The following NMT2 variants were observed in gnomAD, a reference collection of about 807,000 sequenced individuals.
NMT2 encodes glycylpeptide N-tetradecanoyltransferase 2.
A neutral mutation model predicts 65.4 loss-of-function variants in NMT2; 35 were observed. The ratio of observed to expected loss-of-function variants is 0.54; its 90% CI spans 0.41 to 0.71. NMT2 has a LOEUF of 0.71. Ranked by LOEUF, NMT2 falls within the 30% of genes least tolerant of loss-of-function variation. NMT2 has a pLI of 0.00. For synonymous variants in NMT2, 226 were observed against 231.8 expected, an observed-to-expected ratio of 0.98 and a Z score of 0.23; for missense variants, 489 against 611.3, an observed-to-expected ratio of 0.80 and a Z score of 2.11.
chr10:15,124,330 C>T (rs111411174), intron 8 of NMT2, among the ~76,000 whole-genome samples: 1 of 152,184 alleles, frequency 6.6e-6, no homozygotes, highest in East Asian at 1.9e-4. Flanking sequence ...TTGTGAATGG[C>T]GCAGGCCCTG....
intron 1 of NMT2, among the ~76,000 whole-genome samples, chr10:15,156,243 T>C (rs562448840): frequency 1.3e-5 from 2 of 152,228 alleles, no homozygotes; most frequent in South Asian, 4.1e-4. Flanking sequence ...GCTGTACTCA[T>C]GACAGGGAAT....
intron 1 of NMT2, among the ~76,000 whole-genome samples, chr10:15,152,498 A>G (rs1832839543): frequency 6.6e-6 from 1 of 152,160 alleles, no homozygotes; most frequent in South Asian, 2.1e-4. Context: ...TTTCCTTAGG[A>G]AGTGACAGCA....
chr10:15,147,897 A>C (rs1371340431), intron 1 of NMT2, among the ~76,000 whole-genome samples: 2 of 152,248 alleles, frequency 1.3e-5, no homozygotes, highest in Admixed American at 6.5e-5. Flanking sequence ...TTTTGAGTAC[A>C]CCAAAGTTAA....
intron 6 of NMT2, among the ~76,000 whole-genome samples, chr10:15,132,435 TA>T (rs1338494905): frequency 2.0e-5 from 3 of 152,296 alleles, no homozygotes; most frequent in African/African-American, 7.2e-5. Flanking sequence ...TTTTTATTTT[TA>T]TTTTTTTTGA....
At position 15,126,251 on chromosome 10, in the gene NMT2, A is replaced by G. The variant is rs192619400; in HGVS notation, c.999+2099T>C. ...CGAGACCAGCCTGACTAATATGGTG[A>G]AACCCCATCTCTACTAAAAATACAA... On this transcript the variant is annotated intron_variant, in intron 8 of 11. Coordinates refer to ENST00000378165, the MANE Select transcript of NMT2 (RefSeq NM_004808.3). 1.3e-4 allele frequency among the ~76,000 whole-genome samples: 20 copies of G among 151,608 alleles called. No individual in the cohort carries two copies. The East Asian group carries it at 4.0e-3, about 30-fold the overall frequency.
intron 7 of NMT2, among the ~76,000 whole-genome samples, chr10:15,129,907 CAAAA>C (rs753710829): frequency 1.7e-4 from 10 of 57,204 alleles, no homozygotes; most frequent in Non-Finnish European, 3.0e-4. Flanking sequence ...GAGTCTGCCT[CAAAA>C]AAAAAAAAAA....
chr10:15,135,399 T>C lies in NMT2; in HGVS notation c.266A>G (p.Gln89Arg). The change falls in exon 3 of 12, where the codon CAG (glutamine) becomes CGG (arginine). Residue 89 changes from glutamine (Q) to arginine (R), a missense_variant. Transcript: ENST00000378165. ...TGCTCTCTGGATATCCTGCAACTTC[T>C]GCATTGGAACACTGGGATTCTACGA... ...QPSKNPSVPMQKLQDIQRAME... is the reference protein window; with the variant it reads ...QPSKNPSVPMRKLQDIQRAME... 6.2e-7 allele frequency: 1 copy of C among 1,614,176 alleles called. No individual in the cohort carries two copies. Among genetic ancestry groups the C allele is most frequent in the Non-Finnish European group, 8.5e-7 (1 of 1,180,022 alleles).
chr10:15,124,999 A>C (rs1435810729), intron 8 of NMT2, among the ~76,000 whole-genome samples: 1 of 151,952 alleles, frequency 6.6e-6, no homozygotes, highest in East Asian at 1.9e-4. Flanking sequence ...GTGTCCCCAT[A>C]GTGGGTAATG....
At position 15,133,070 on chromosome 10, in the gene NMT2, T is replaced by A; in HGVS notation, c.585A>T (p.Ser195=). Residue 195 remains serine, a synonymous_variant, in exon 5 of 12, where the codon TCA becomes TCT. Coordinates refer to ENST00000378165, the MANE Select transcript of NMT2 (RefSeq NM_004808.3). ...AGACTTACCACAACAGGAACTCGGG[T>A]GAATAGTCAAATCGGAACATATTGT... ...DDDNMFRFDY[S]PEFLLWALRP... 1.2e-6 allele frequency: 2 copies of A among 1,614,074 alleles called. No individual in the cohort carries two copies. Among genetic ancestry groups the A allele is most frequent in the Non-Finnish European group, 1.7e-6 (2 of 1,179,922 alleles).
chr10:15,130,068 A>G (rs1846222769), intron 7 of NMT2, 74 bp downstream of exon 7: 8 of 1,171,328 alleles, frequency 6.8e-6, no homozygotes, highest in Non-Finnish European at 9.0e-6. Flanking sequence ...CAAAAACTAC[A>G]TCTAGCAGAA....
chr10:15,141,491 T>C lies in NMT2; in HGVS notation c.177A>G (p.Pro59=), dbSNP rs780321534. 6.2e-7 allele frequency: 1 copy of C among 1,614,258 alleles called. No individual in the cohort carries two copies. The highest frequency in any genetic ancestry group is 8.5e-7 in the Non-Finnish European group (1 of 1,180,056). ...AGTCTGACTTGGTGCCTCCGGAATT[T>C]GGTTTCTCCTTTTTTCTCTTCTGTT... The part of the protein sequence containing the change: ...KKKQKRKKEK[P]NSGGTKSDSA... Residue 59 remains proline (P), a synonymous_variant, in exon 2 of 12, where the codon CCA becomes CCG. Coordinates refer to ENST00000378165, the MANE Select transcript of NMT2 (RefSeq NM_004808.3).
Position 15,119,371 on chromosome 10 carries a change from T to C in NMT2, c.1142A>G (p.Glu381Gly). The C allele has an allele frequency of 2.5e-6, 4 of 1,614,186 alleles. No homozygotes were observed. Among genetic ancestry groups the C allele is most frequent in the Non-Finnish European group, 2.5e-6 (3 of 1,180,034 alleles). ...EEVAHWFLPR[E>G]HIIDTFVVES... ...CACTACAAACGTGTCAATAATGTGC[T>C]CCCGGGGGAGGAACCAGTGGGCTAC... Residue 381 changes from glutamate (E) to glycine (G), a missense_variant, in exon 9 of 12, where the codon GAG becomes GGG. By Grantham distance (98) the Glu-to-Gly change is moderately conservative. Coordinates refer to ENST00000378165, the MANE Select transcript of NMT2 (RefSeq NM_004808.3).
rs1307447584 is a variant in NMT2 at position 15,108,115 on chromosome 10, T to G, written c.*1080A>C. The G allele has an allele frequency of 2.0e-6, 2 of 985,318 alleles. No individual in the cohort carries two copies. The highest frequency in any genetic ancestry group is 3.5e-5 in the African/African-American group (2 of 57,214). The allele number at this position is 985,318 out of a possible 1,614,324, so 61.0% of individuals were successfully genotyped here. A position where few individuals can be genotyped will look rare whatever the true frequency, so the allele number is the denominator to read the frequency against. ...TTATTTCCTTTTCTTCATATATCCT[T>G]GATGTTGCTGAGAAGAAACTGAACT... On this transcript the variant is annotated 3_prime_UTR_variant, in exon 12 of 12. Transcript: ENST00000378165.
chr10:15,108,925 G>C lies in NMT2; in HGVS notation c.*270C>G. ...AGGGTGAAAAAATACCTCTTCAAGA[G>C]ACAGGCAAAAATTTGAAAATTACAA... On this transcript the variant is annotated 3_prime_UTR_variant, in exon 12 of 12. Coordinates refer to ENST00000378165, the MANE Select transcript of NMT2 (RefSeq NM_004808.3). 8.2e-7 allele frequency: 1 copy of C among 1,217,524 alleles called. No individual in the cohort carries two copies. The highest frequency in any genetic ancestry group is 2.0e-5 in the South Asian group (1 of 49,370). The allele number at this position is 1,217,524 out of a possible 1,614,324, so 75.4% of individuals were successfully genotyped here.
intron 8 of NMT2, among the ~76,000 whole-genome samples, chr10:15,127,166 C>T (rs912004239): frequency 3.3e-5 from 5 of 151,694 alleles, no homozygotes; most frequent in Non-Finnish European, 7.4e-5. Flanking sequence ...ACCCGGGAGG[C>T]GGAGGTTGCA....
rs1187249747 is a variant in NMT2, at chr10:15,128,474, G to T, written c.891-16C>A. 21 of 1,453,944 alleles carry T rather than the reference G, an allele frequency of 1.4e-5. No homozygotes were observed. The highest frequency in any genetic ancestry group is 1.8e-5 in the Non-Finnish European group (19 of 1,043,162). 90.1% of individuals were successfully genotyped at this position (1,453,944 alleles called of 1,614,324 possible). A position where few individuals can be genotyped will look rare whatever the true frequency, so the allele number is the denominator to read the frequency against. ...ATGCCAGTATCTGGAATACAATAAA[G>T]GTTTTAAAATCAAATTGATTTCTAA... On this transcript the variant is annotated splice_polypyrimidine_tract_variant and intron_variant, in intron 7 of 11. Coordinates refer to ENST00000378165, the MANE Select transcript of NMT2 (RefSeq NM_004808.3).
chr10:15,144,086 T>A (rs1479586210), intron 1 of NMT2, among the ~76,000 whole-genome samples: 1 of 152,208 alleles, frequency 6.6e-6, no homozygotes, highest in Non-Finnish European at 1.5e-5. Flanking sequence ...ATCAAAACTT[T>A]TTTTTCTTCC....
chr10:15,112,171 G>GC (rs1225227510), intron 10 of NMT2, among the ~76,000 whole-genome samples: 16 of 65,144 alleles, frequency 2.5e-4, no homozygotes, highest in Admixed American at 5.2e-4. Context: ...TAAGATATGG[G>GC]CTTTATATAT....
At position 15,109,145 on chromosome 10, in the gene NMT2, TA is replaced by T. The variant is rs781693887; in HGVS notation, c.*49del. On this transcript the variant is annotated 3_prime_UTR_variant, in exon 12 of 12. Transcript: ENST00000378165. ...TTGGAATGGCAGTTCCAGAAATCAT[TA>T]AATATTAACAAATGATGATGTCAGA... The T allele has an allele frequency of 6.3e-7, 1 of 1,596,120 alleles. No homozygotes were observed. The highest frequency in any genetic ancestry group is 8.5e-7 in the Non-Finnish European group (1 of 1,174,826).
Sources: allele counts gnomAD v4.1 joint callset (sites outside exome capture counted in the v4.1 genomes callset), GRCh38; gene constraint gnomAD v4.1.1; transcripts MANE v1.5; gene names NCBI Gene and HGNC (gene_info 2026-07-23, HGNC 2026-07-21).